Variants in CACNA1E observed in about 807,000 individuals in gnomAD.
CACNA1E encodes the protein voltage-dependent R-type calcium channel subunit alpha-1E.
Under a neutral mutation model 259.2 loss-of-function variants are expected in CACNA1E, and 40 were observed. The observed-to-expected ratio is 0.15, with a 90% CI of 0.12 to 0.20. The LOEUF (loss-of-function observed/expected upper bound fraction) is 0.20, where lower values mean the gene tolerates loss of function less well. Among genes scored for constraint, CACNA1E ranks in the 10% least tolerant of loss-of-function variants. The pLI is 1.00. For missense variants in CACNA1E, 1,874 were observed against 3,040.1 expected (o/e 0.62, Z 9.02); for synonymous variants, 1,104 against 1,138.5 (o/e 0.97, Z 0.61).
chr1:181,514,287 A>G (rs912059040), intron 3 of CACNA1E, among the ~76,000 whole-genome samples: 1 of 152,214 alleles, frequency 6.6e-6, no homozygotes, highest in Non-Finnish European at 1.5e-5. Flanking sequence ...TTAGTGCTAC[A>G]TAAAATTACG....
At chr1:181,479,517 CAAATTCCCATATGAAG>C (rs1314392292), upstream of CACNA1E, among the ~76,000 whole-genome samples, 3 of 152,222 alleles carry the variant, frequency 2.0e-5, no homozygotes, top group South Asian at 2.1e-4. Context: ...GAATGCCCAC[CAAATTCCCATATGAAG>C]AAATTCCCAT....
intron 1 of CACNA1E, among the ~76,000 whole-genome samples, chr1:181,344,952 G>A (rs908759531): frequency 6.6e-6 from 1 of 152,174 alleles, no homozygotes; most frequent in Non-Finnish European, 1.5e-5. Context: ...CCATTCCTAG[G>A]TGGCCAAGGT....
chr1:181,386,171 C>G (rs1340119770), intron 1 of CACNA1E, among the ~76,000 whole-genome samples: 1 of 152,170 alleles, frequency 6.6e-6, no homozygotes, highest in East Asian at 1.9e-4. Context: ...TAGTGGGGCT[C>G]TGATGGTCTA....
intron 1 of CACNA1E, among the ~76,000 whole-genome samples, chr1:181,325,877 C>G (rs1253395347): frequency 6.6e-6 from 1 of 152,180 alleles, no homozygotes; most frequent in East Asian, 1.9e-4. Context: ...GAGGCCGGCG[C>G]TCCCCTCCCA....
intron 44 of CACNA1E, among the ~76,000 whole-genome samples, chr1:181,791,923 G>A (rs1034725207): frequency 2.0e-4 from 30 of 152,154 alleles, no homozygotes; most frequent in African/African-American, 6.8e-4. Flanking sequence ...AAACAAATGC[G>A]TGCTTCTATC....
chr1:181,781,832 G>A (rs139889975), intron 39 of CACNA1E, among the ~76,000 whole-genome samples: 7 of 152,302 alleles, frequency 4.6e-5, no homozygotes, highest in African/African-American at 1.2e-4. Flanking sequence ...TCCTTTTAGA[G>A]GAGGCAGAGT....
chr1:181,671,600 A>G (rs190520638), intron 7 of CACNA1E, among the ~76,000 whole-genome samples: 1 of 152,310 alleles, frequency 6.6e-6, no homozygotes, highest in Admixed American at 6.5e-5. Context: ...GTGTGATTCT[A>G]TGGATATGCT....
intron 7 of CACNA1E, among the ~76,000 whole-genome samples, chr1:181,709,239 C>G (rs992453909): frequency 9.2e-5 from 14 of 152,214 alleles, no homozygotes; most frequent in African/African-American, 3.1e-4. Context: ...GGAGGCATCC[C>G]AGGGCTTGAA....
intron 3 of CACNA1E, among the ~76,000 whole-genome samples, chr1:181,554,698 A>C (rs1160129878): frequency 6.6e-6 from 1 of 152,196 alleles, no homozygotes; most frequent in Non-Finnish European, 1.5e-5. Flanking sequence ...CACACTGTGT[A>C]CTGACGTACG....
intron 1 of CACNA1E, among the ~76,000 whole-genome samples, chr1:181,380,709 T>TGAG (rs1655399347): frequency 6.6e-6 from 1 of 152,120 alleles, no homozygotes; most frequent in Middle Eastern, 3.2e-3. Context: ...GAAGTGTTAG[T>TGAG]GAGGATGTGG....
At chr1:181,438,722 G>A (rs1007864691) in intron 2 of CACNA1E, among the ~76,000 whole-genome samples, 5 of 152,206 alleles carry the variant, frequency 3.3e-5, no homozygotes, top group East Asian at 1.9e-4. Flanking sequence ...AAATTTGCAC[G>A]CGTACACTGG....
chr1:181,783,026 TCTC>T (rs769738803), intron 39 of CACNA1E, among the ~76,000 whole-genome samples: 1 of 152,088 alleles, frequency 6.6e-6, no homozygotes, highest in Non-Finnish European at 1.5e-5. Flanking sequence ...CCTCGTTCTG[TCTC>T]CTCCGCTCTC....
At chr1:181,620,527 C>T (rs575200082) in intron 6 of CACNA1E, among the ~76,000 whole-genome samples, 30 of 152,240 alleles carry the variant, frequency 2.0e-4, no homozygotes, top group Admixed American at 9.2e-4. Context: ...CTGAGGAAAC[C>T]CTGAGAACAC....
intron 2 of CACNA1E, among the ~76,000 whole-genome samples, chr1:181,467,394 T>C (rs144959212): frequency 4.5e-4 from 68 of 152,298 alleles, no homozygotes; most frequent in Non-Finnish European, 7.2e-4. Flanking sequence ...ACTGCAGACA[T>C]AGCTGATTTG....
At chr1:181,562,960 T>G (rs1649467209) in intron 3 of CACNA1E, among the ~76,000 whole-genome samples, 1 of 152,218 alleles carries the variant, frequency 6.6e-6, no homozygotes, top group South Asian at 2.1e-4. Flanking sequence ...TTTTAATTAT[T>G]AAAATTGCTT....
intron 2 of CACNA1E, among the ~76,000 whole-genome samples, chr1:181,475,971 G>T (rs1337819490): frequency 6.6e-6 from 1 of 152,110 alleles, no homozygotes; most frequent in South Asian, 2.1e-4. Context: ...AGAGGAAAGG[G>T]GTTGGGGACA....
intron 18 of CACNA1E, among the ~76,000 whole-genome samples, chr1:181,730,084 A>C (rs1199134572): frequency 3.9e-5 from 6 of 152,256 alleles, no homozygotes; most frequent in Non-Finnish European, 8.8e-5. Flanking sequence ...TGCATCTTCC[A>C]GACACCCAGA....
At chr1:181,767,202 G>A (rs1313634728) in intron 35 of CACNA1E, among the ~76,000 whole-genome samples, 1 of 152,134 alleles carries the variant, frequency 6.6e-6, no homozygotes, top group Non-Finnish European at 1.5e-5. Context: ...CAGCTAATTA[G>A]GCCATGCAAC....
At position 181,805,111 on chromosome 1, in the gene CACNA1E, T is replaced by A. The variant is rs571226918; in HGVS notation, c.*6277T>A. ...TTTCTCTTTTTGTCCTACAAGTTTG[T>A]CAGAGATGAGAATGGATTGCTGTCT... On this transcript the variant is annotated 3_prime_UTR_variant, in exon 48 of 48. Coordinates refer to ENST00000367573, the MANE Select transcript of CACNA1E (RefSeq NM_001205293.3). 2.5e-4 allele frequency: 38 copies of A among 152,290 alleles called. No individual in the cohort carries two copies. The highest frequency in any genetic ancestry group is 9.1e-4 in the African/African-American group (38 of 41,576). The allele number at this position is 152,290 out of a possible 1,614,324, so 9.4% of individuals were successfully genotyped here. A position where few individuals can be genotyped will look rare whatever the true frequency, so the allele number is the denominator to read the frequency against.
Sources: allele counts gnomAD v4.1 joint callset (sites outside exome capture counted in the v4.1 genomes callset), GRCh38; gene constraint gnomAD v4.1.1; transcripts MANE v1.5; gene names NCBI Gene and HGNC (gene_info 2026-07-23, HGNC 2026-07-21).